Variants in GALNT10 observed in about 807,000 individuals in gnomAD.
GALNT10 encodes the protein GalNAc transferase 10.
GALNT10 carries 41 observed loss-of-function variants against 75.0 expected under a neutral mutation model. That is an observed-to-expected ratio of 0.55 (90% CI 0.43 to 0.71). The LOEUF (loss-of-function observed/expected upper bound fraction) is 0.71, where lower values mean the gene tolerates loss of function less well. Among genes scored for constraint, GALNT10 ranks in the 30% least tolerant of loss-of-function variants. The pLI is 0.00. For missense variants in GALNT10, 727 were observed against 818.5 expected (o/e 0.89, Z 1.36); for synonymous variants, 302 against 313.0 (o/e 0.96, Z 0.37).
At chr5:154,192,634 TAATC>T (rs1287550953) in intron 1 of GALNT10, among the ~76,000 whole-genome samples, 1 of 152,364 alleles carries the variant, frequency 6.6e-6, no homozygotes, top group East Asian at 1.9e-4. Context: ...TACTATCAGT[TAATC>T]AATGAGGAAT....
At chr5:154,283,488 C>T (rs1056804598) in intron 1 of GALNT10, among the ~76,000 whole-genome samples, 7 of 151,924 alleles carry the variant, frequency 4.6e-5, no homozygotes, top group African/African-American at 1.7e-4. Context: ...ACAAGAATAC[C>T]AGAGTGACAG....
intron 4 of GALNT10, among the ~76,000 whole-genome samples, chr5:154,337,051 C>T (rs1200027955): frequency 6.6e-6 from 1 of 152,180 alleles, no homozygotes; most frequent in Non-Finnish European, 1.5e-5. Flanking sequence ...ATTCTAGAAC[C>T]TTTACTCCTA....
chr5:154,328,833 A>T (rs962587054), intron 3 of GALNT10, among the ~76,000 whole-genome samples: 2 of 152,176 alleles, frequency 1.3e-5, no homozygotes, highest in African/African-American at 4.8e-5. Flanking sequence ...ATTAGAAAGG[A>T]TACAAATGAA....
At position 154,412,629 on chromosome 5, in the gene GALNT10, T is replaced by A; in HGVS notation, c.1387-260T>A. 4 of 350,030 alleles carry A rather than the reference T, an allele frequency of 1.1e-5. No homozygotes were observed. The highest frequency in any genetic ancestry group is 4.5e-5 in the Admixed American group (1 of 22,056). 21.7% of individuals were successfully genotyped at this position (350,030 alleles called of 1,614,324 possible). ...TCCTTTACCAACTCCTCACCTCCACTCCCCCACCACCAACCCAGGACTCTG... is the reference window on the plus strand; with the variant it reads ...TCCTTTACCAACTCCTCACCTCCACACCCCCACCACCAACCCAGGACTCTG... On this transcript the variant is annotated intron_variant, in intron 9 of 11. Coordinates refer to ENST00000297107, the MANE Select transcript of GALNT10 (RefSeq NM_198321.4). This position sits in a 1 kb window ranked among gnomAD's most constrained non-coding sequence, Gnocchi z 4.2.
At chr5:154,221,753 C>G (rs1162245872) in intron 1 of GALNT10, among the ~76,000 whole-genome samples, 1 of 152,194 alleles carries the variant, frequency 6.6e-6, no homozygotes, top group Non-Finnish European at 1.5e-5. Flanking sequence ...ATCTTCAAGC[C>G]ACATTTACAG....
At chr5:154,375,474 A>G (rs115719455) in intron 4 of GALNT10, among the ~76,000 whole-genome samples, 5,168 of 152,304 alleles carry the variant, frequency 0.034, 134 homozygotes, top group Admixed American at 0.06. Flanking sequence ...TGGGGCAGAA[A>G]TCCAGCCCAC....
At chr5:154,264,173 C>T (rs888423257) in intron 1 of GALNT10, among the ~76,000 whole-genome samples, 11 of 151,986 alleles carry the variant, frequency 7.2e-5, no homozygotes, top group East Asian at 1.9e-4. Context: ...ATTAGCCAGA[C>T]GCAGTGGTGC....
chr5:154,344,563 C>A (rs928228865), intron 4 of GALNT10, among the ~76,000 whole-genome samples: 2 of 152,164 alleles, frequency 1.3e-5, no homozygotes, highest in Admixed American at 1.3e-4. Context: ...AGATATTCCG[C>A]TTCTATTCAC....
intron 1 of GALNT10, among the ~76,000 whole-genome samples, chr5:154,255,678 C>T (rs1753595958): frequency 6.6e-6 from 1 of 152,018 alleles, no homozygotes; most frequent in African/African-American, 2.4e-5. Flanking sequence ...GTATGTCTTC[C>T]ACTTTCCCAC....
At chr5:154,359,493 A>G (rs112594071) in intron 4 of GALNT10, among the ~76,000 whole-genome samples, 2,045 of 150,432 alleles carry the variant, frequency 0.014, 46 homozygotes, top group African/African-American at 0.048. Context: ...GCCCTGAGTC[A>G]GTGACCTTCA....
chr5:154,223,229 A>G (rs1186401560), intron 1 of GALNT10, among the ~76,000 whole-genome samples: 1 of 152,192 alleles, frequency 6.6e-6, no homozygotes, highest in Non-Finnish European at 1.5e-5. Context: ...AATACTAATC[A>G]TTATTGCATG....
intron 4 of GALNT10, among the ~76,000 whole-genome samples, chr5:154,348,774 T>C (rs1755164682): frequency 6.6e-6 from 1 of 152,238 alleles, no homozygotes; most frequent in South Asian, 2.1e-4. Context: ...GATGACTTTC[T>C]TCACCTCTTC....
intron 1 of GALNT10, among the ~76,000 whole-genome samples, chr5:154,252,147 A>G (rs1753532996): frequency 6.6e-6 from 1 of 152,094 alleles, no homozygotes; most frequent in Non-Finnish European, 1.5e-5. Context: ...AAAACACTAA[A>G]CAGTATTTTT....
At chr5:154,310,696 T>G (rs1754503725) in intron 3 of GALNT10, among the ~76,000 whole-genome samples, 1 of 152,168 alleles carries the variant, frequency 6.6e-6, no homozygotes, top group Non-Finnish European at 1.5e-5. Flanking sequence ...GGTCTGGAAC[T>G]CCTGACCTCA....
chr5:154,191,950 G>A (rs1178759969), intron 1 of GALNT10, among the ~76,000 whole-genome samples: 1 of 152,236 alleles, frequency 6.6e-6, no homozygotes, highest in Non-Finnish European at 1.5e-5. Context: ...TAGACTAGCA[G>A]CTCCCTCATA....
At chr5:154,342,362 C>G (rs73283312) in intron 4 of GALNT10, among the ~76,000 whole-genome samples, 22 of 152,292 alleles carry the variant, frequency 1.4e-4, no homozygotes, top group African/African-American at 3.9e-4. Context: ...CCCCTGCGGT[C>G]TCCAGGTCAT....
intron 7 of GALNT10, among the ~76,000 whole-genome samples, chr5:154,391,483 C>G (rs898475658): frequency 2.6e-5 from 4 of 152,240 alleles, no homozygotes; most frequent in Non-Finnish European, 5.9e-5. Context: ...TCTCTCTCAG[C>G]AGAGCAAAGT....
At chr5:154,375,092 G>A (rs1755633540) in intron 4 of GALNT10, among the ~76,000 whole-genome samples, 1 of 152,174 alleles carries the variant, frequency 6.6e-6, no homozygotes, top group African/African-American at 2.4e-5. Flanking sequence ...GTATATGATT[G>A]TCAGAAACTG....
At chr5:154,334,130 T>C (rs539543391) in intron 4 of GALNT10, among the ~76,000 whole-genome samples, 1 of 152,358 alleles carries the variant, frequency 6.6e-6, no homozygotes, top group African/African-American at 2.4e-5. Context: ...GAGAAGGCAT[T>C]TTCCTCTGAA....
Sources: allele counts gnomAD v4.1 joint callset (sites outside exome capture counted in the v4.1 genomes callset), GRCh38; gene constraint gnomAD v4.1.1; non-coding constraint Gnocchi (gnomAD v3.1); transcripts MANE v1.5; gene names NCBI Gene and HGNC (gene_info 2026-07-23, HGNC 2026-07-21).